Variants in UBE3C observed in about 807,000 individuals in gnomAD.
UBE3C encodes the protein ubiquitin protein ligase E3C.
A neutral mutation model predicts 129.4 loss-of-function variants in UBE3C; 42 were observed. That is an observed-to-expected ratio of 0.32 (90% CI 0.25 to 0.42). The LOEUF (loss-of-function observed/expected upper bound fraction) is 0.42, where lower values mean the gene tolerates loss of function less well. UBE3C is among the 10% of genes least tolerant of loss of function. The probability of loss-of-function intolerance (pLI) is 1.00; values close to 1 mark genes in which losing one functional copy is unlikely to be tolerated. For synonymous variants in UBE3C, 510 were observed against 492.4 expected, an observed-to-expected ratio of 1.04 and a Z score of -0.47; for missense variants, 1,049 against 1,319.1, an observed-to-expected ratio of 0.80 and a Z score of 3.17.
At chr7:157,188,523 C>T (rs1808869868) in intron 10 of UBE3C, among the ~76,000 whole-genome samples, 1 of 152,224 alleles carries the variant, frequency 6.6e-6, no homozygotes. Context: ...AACCAGGACA[C>T]TTGCTTTTAT....
chr7:157,192,587 TG>T lies in UBE3C; in HGVS notation c.1331+5568del, dbSNP rs531399340. On this transcript the variant is annotated intron_variant, in intron 10 of 22. Transcript: ENST00000348165. ...CTCTTCATCTTGTGTTGAGACTTCG[TG>T]GTGGTGCTAAGAAAAGGAAGGAGTC... 71 of 765,740 alleles carry T rather than the reference TG, an allele frequency of 9.3e-5. 1 individual carries two copies. The highest frequency in any genetic ancestry group is 7.8e-4 in the Admixed American group (46 of 58,950). The allele number at this position is 765,740 out of a possible 1,614,324, so 47.4% of individuals were successfully genotyped here. A position where few individuals can be genotyped will look rare whatever the true frequency, so the allele number is the denominator to read the frequency against.
rs1808736712 is a variant in UBE3C, at chr7:157,183,904, G to A, written c.1018G>A (p.Val340Met). 2 of 1,614,112 alleles carry A rather than the reference G, an allele frequency of 1.2e-6. No individual in the cohort carries two copies. Among genetic ancestry groups the A allele is most frequent in the East Asian group, 4.5e-5 (2 of 44,874 alleles). ...GGCCCTCTCTGAGGAAGGGCTGCTG[G>A]TGTATTTGCGGGTGCTGCAGACCTT... ...LGALSEEGLL[V>M]YLRVLQTFLS... The change falls in exon 9 of 23, where the codon GTG (valine) becomes ATG (methionine). Residue 340 changes from valine to methionine, a missense_variant. Around this residue, in one of 4 missense-constraint regions of UBE3C, gnomAD observed 489 missense variants for 513.8 expected, o/e 0.95. Coordinates refer to ENST00000348165, the MANE Select transcript of UBE3C (RefSeq NM_014671.3).
chr7:157,143,930 A>T (rs1807529256), intron 1 of UBE3C, among the ~76,000 whole-genome samples: 1 of 152,148 alleles, frequency 6.6e-6, no homozygotes, highest in Non-Finnish European at 1.5e-5. Flanking sequence ...CAAAAGAGTC[A>T]CACCTCCGGG....
intron 2 of UBE3C, among the ~76,000 whole-genome samples, chr7:157,167,186 C>T (rs942928192): frequency 2.6e-5 from 4 of 152,188 alleles, no homozygotes; most frequent in Non-Finnish European, 5.9e-5. Flanking sequence ...CCACCTCAGC[C>T]TCCCACAGTG....
At chr7:157,160,410 G>C (rs934081751) in intron 1 of UBE3C, among the ~76,000 whole-genome samples, 2 of 152,120 alleles carry the variant, frequency 1.3e-5, no homozygotes, top group Non-Finnish European at 2.9e-5. Flanking sequence ...AGTTTTCATT[G>C]TATTTAATTT....
At chr7:157,163,719 T>G (rs1250627550) in intron 1 of UBE3C, 91 bp from the exon 2 acceptor site, 2 of 1,399,752 alleles carry the variant, frequency 1.4e-6, no homozygotes, top group Admixed American at 3.9e-5. Context: ...TTTAGGATCT[T>G]TTTTTGGGTG....
At chr7:157,168,598 A>G (rs1223492406) in intron 2 of UBE3C, among the ~76,000 whole-genome samples, 1 of 152,252 alleles carries the variant, frequency 6.6e-6, no homozygotes, top group Non-Finnish European at 1.5e-5. Flanking sequence ...ACAATGGAAC[A>G]TTACTCTTAC....
chr7:157,260,278 A>G (rs1796865712), intron 22 of UBE3C, among the ~76,000 whole-genome samples: 3 of 152,224 alleles, frequency 2.0e-5, no homozygotes, highest in Admixed American at 2.0e-4. Context: ...AACTGACGTA[A>G]TGAAAGAAAA....
chr7:157,187,561 G>T (rs7777431), intron 10 of UBE3C, among the ~76,000 whole-genome samples: 2 of 149,094 alleles, frequency 1.3e-5, no homozygotes, highest in Non-Finnish European at 3.0e-5. Context: ...TTTTGTTTTT[G>T]TGTGTGTGTG....
intron 14 of UBE3C, among the ~76,000 whole-genome samples, chr7:157,217,845 G>T (rs1795624863): frequency 6.6e-6 from 1 of 151,160 alleles, no homozygotes; most frequent in Non-Finnish European, 1.5e-5. Flanking sequence ...CTCAAAAAAA[G>T]AAAGAAAAAT....
At chr7:157,260,404 C>A (rs2116707313) in intron 22 of UBE3C, among the ~76,000 whole-genome samples, 2 of 151,644 alleles carry the variant, frequency 1.3e-5, no homozygotes, top group Non-Finnish European at 3.0e-5. Context: ...ATAGATGGGT[C>A]CCCTTCAGAG....
In UBE3C at chr7:157,268,555, G is replaced by C. The variant is rs1403627389; in HGVS notation, c.*800G>C. 1 of 152,654 alleles carries C rather than the reference G, an allele frequency of 6.6e-6. No homozygotes were observed. The highest frequency in any genetic ancestry group is 1.5e-5 in the Non-Finnish European group (1 of 68,058). 9.5% of individuals were successfully genotyped at this position (152,654 alleles called of 1,614,324 possible). A position where few individuals can be genotyped will look rare whatever the true frequency, so the allele number is the denominator to read the frequency against. On this transcript the variant is annotated 3_prime_UTR_variant, in exon 23 of 23. Transcript: ENST00000348165. ...AGTTACTTGGGGGAGGACAGACACT[G>C]TGGTGTCATTAAAGTTGTTTGAACC...
rs1797126256 is a variant in UBE3C, at chr7:157,268,006, T to C, written c.*251T>C. 2 of 338,982 alleles carry C rather than the reference T, an allele frequency of 5.9e-6. No homozygotes were observed. The highest frequency in any genetic ancestry group is 5.6e-5 in the South Asian group (1 of 17,840). 21.0% of individuals were successfully genotyped at this position (338,982 alleles called of 1,614,324 possible). On this transcript the variant is annotated 3_prime_UTR_variant, in exon 23 of 23. Coordinates refer to ENST00000348165, the MANE Select transcript of UBE3C (RefSeq NM_014671.3). ...GTGCCATGTGGCTACTTTAGTAATATTGCCAAGAAGAGCACAGTTTTTACA... is the reference window on the plus strand; with the variant it reads ...GTGCCATGTGGCTACTTTAGTAATACTGCCAAGAAGAGCACAGTTTTTACA...
chr7:157,204,047 G>C (rs28714421), intron 11 of UBE3C, among the ~76,000 whole-genome samples: 1 of 152,048 alleles, frequency 6.6e-6, no homozygotes, highest in Admixed American at 6.5e-5. Flanking sequence ...TACTGAAAGC[G>C]TAAAAACAGA....
intron 14 of UBE3C, among the ~76,000 whole-genome samples, chr7:157,218,661 G>A (rs534042647): frequency 3.3e-5 from 5 of 152,290 alleles, no homozygotes; most frequent in African/African-American, 1.2e-4. Flanking sequence ...TTGCTTCACA[G>A]CAAAAGAAGC....
intron 1 of UBE3C, among the ~76,000 whole-genome samples, chr7:157,159,744 A>G (rs894657175): frequency 3.3e-5 from 5 of 152,144 alleles, no homozygotes; most frequent in African/African-American, 1.2e-4. Flanking sequence ...GCACATGGTA[A>G]TCCCGGCGGC....
chr7:157,253,881 T>C, intron 19 of UBE3C, 73 bp from the exon 20 acceptor site: 2 of 1,407,374 alleles, frequency 1.4e-6, no homozygotes, highest in South Asian at 1.4e-5. Context: ...TTAAAACATT[T>C]GTTTCTTGCT....
chr7:157,227,661 C>T (rs1282769273), intron 17 of UBE3C, among the ~76,000 whole-genome samples: 1 of 151,984 alleles, frequency 6.6e-6, no homozygotes, highest in Non-Finnish European at 1.5e-5. Context: ...GATCGCACCA[C>T]TGCACTCCAG....
intron 11 of UBE3C, among the ~76,000 whole-genome samples, chr7:157,202,128 A>T (rs1809302869): frequency 6.6e-6 from 1 of 152,222 alleles, no homozygotes; most frequent in Non-Finnish European, 1.5e-5. Flanking sequence ...TCACAGTGAA[A>T]ATACAGATTT....
Sources: allele counts gnomAD v4.1 joint callset (sites outside exome capture counted in the v4.1 genomes callset), GRCh38; gene constraint gnomAD v4.1.1; regional missense constraint gnomAD v4.1.1; transcripts MANE v1.5; gene names NCBI Gene and HGNC (gene_info 2026-07-23, HGNC 2026-07-21).